TCF20: variants seen among roughly 807,000 people sequenced by gnomAD.
The protein encoded by TCF20 is SPRE-binding protein.
A neutral mutation model predicts 148.6 loss-of-function variants in TCF20; 3 were observed. That is an observed-to-expected ratio of 0.02 (90% CI 0.01 to 0.05). TCF20 has a LOEUF of 0.05. TCF20 is among the 10% of genes least tolerant of loss of function. The pLI, the probability that TCF20 is intolerant of heterozygous loss-of-function variation, is 1.00. For synonymous variants in TCF20, 1,049 were observed against 909.5 expected (o/e 1.15, Z -2.76); for missense variants, 2,350 against 2,429.3 (o/e 0.97, Z 0.69).
chr22:42,248,056 G>C (rs1925064650), intron 1 of TCF20, among the ~76,000 whole-genome samples: 1 of 152,172 alleles, frequency 6.6e-6, no homozygotes, highest in African/African-American at 2.4e-5. Context: ...GACAGGGATG[G>C]AGTAGGCAAA....
At chr22:42,300,225 GGCTTTGGGGCCTCT>G (rs1927312573) in intron 1 of TCF20, among the ~76,000 whole-genome samples, 2 of 152,228 alleles carry the variant, frequency 1.3e-5, no homozygotes, top group Non-Finnish European at 2.9e-5. Flanking sequence ...AGAGCGGCAG[GGCTTTGGGGCCTCT>G]GCTAGGAGGC....
At chr22:42,281,354 T>A (rs1267896330) in intron 1 of TCF20, among the ~76,000 whole-genome samples, 1 of 152,210 alleles carries the variant, frequency 6.6e-6, no homozygotes, top group Non-Finnish European at 1.5e-5. Context: ...TTGCAATGAC[T>A]GCGGTGTCCA....
intron 1 of TCF20, among the ~76,000 whole-genome samples, chr22:42,305,706 C>T (rs1436705109): frequency 6.6e-6 from 1 of 152,168 alleles, no homozygotes; most frequent in Non-Finnish European, 1.5e-5. Context: ...CTGGTCTCCA[C>T]ACCCCTGGCC....
In TCF20 at chr22:42,290,252, C is replaced by A. The variant is rs1333154803; in HGVS notation, c.-37+53227G>T. Among the ~76,000 whole-genome samples the A allele has an allele frequency of 6.6e-6, 1 of 152,066 alleles. No homozygotes were observed. The highest frequency in any genetic ancestry group is 1.5e-5 in the Non-Finnish European group (1 of 67,998). On this transcript the variant is annotated intron_variant, in intron 1 of 1. Transcript: ENST00000515426. The surrounding 1 kb of genome is among the most constrained non-coding windows in gnomAD (Gnocchi z 4.2). ...CTTCTCCCAGTCCTGACCCCCAGTA[C>A]CCTGCCCTAGGATGTGCAGGAGGCT...
intron 1 of TCF20, among the ~76,000 whole-genome samples, chr22:42,252,691 C>T (rs907519157): frequency 6.6e-6 from 1 of 152,112 alleles, no homozygotes; most frequent in African/African-American, 2.4e-5. Flanking sequence ...CCTCATGATC[C>T]GCTGCTCACC....
At chr22:42,205,994 G>C (rs1938359805) in intron 2 of TCF20, among the ~76,000 whole-genome samples, 1 of 152,192 alleles carries the variant, frequency 6.6e-6, no homozygotes, top group South Asian at 2.1e-4. Flanking sequence ...GGCTGGTCTT[G>C]AACTCCTGAC....
intron 1 of TCF20, among the ~76,000 whole-genome samples, chr22:42,226,245 T>C (rs1348518505): frequency 6.6e-6 from 1 of 152,202 alleles, no homozygotes; most frequent in Non-Finnish European, 1.5e-5. Flanking sequence ...CCTGTGGGAT[T>C]TTCTTAAATG....
At chr22:42,233,290 G>A (rs1923596872) in intron 1 of TCF20, among the ~76,000 whole-genome samples, 1 of 152,176 alleles carries the variant, frequency 6.6e-6, no homozygotes. Flanking sequence ...TTCTGCAGAT[G>A]AGGAAACAAA....
upstream of TCF20, among the ~76,000 whole-genome samples, chr22:42,270,672 G>A (rs1388514247): frequency 2.1e-5 from 3 of 141,866 alleles, no homozygotes; most frequent in African/African-American, 2.5e-5. Flanking sequence ...AGGTGACGGC[G>A]CGCGGCCAAT....
At chr22:42,270,208 G>C (rs573179027) in intron 1 of TCF20, among the ~76,000 whole-genome samples, 131 bp downstream of exon 1, 1 of 151,868 alleles carries the variant, frequency 6.6e-6, no homozygotes, top group Non-Finnish European at 1.5e-5. Flanking sequence ...CGGAGTCCAG[G>C]AGGCTCCGCA....
At chr22:42,336,924 A>T (rs750187286) in intron 1 of TCF20, among the ~76,000 whole-genome samples, 2 of 152,192 alleles carry the variant, frequency 1.3e-5, no homozygotes, top group Non-Finnish European at 2.9e-5. Context: ...CACAGCACAG[A>T]ACTGCTTCCC....
intron 5 of TCF20, among the ~76,000 whole-genome samples, chr22:42,167,387 G>A (rs898572756): frequency 1.3e-5 from 2 of 152,204 alleles, no homozygotes; most frequent in African/African-American, 2.4e-5. Flanking sequence ...CACGTCTAGC[G>A]TAGCTGTGTG....
chr22:42,246,014 A>T (rs1163358144), intron 1 of TCF20, among the ~76,000 whole-genome samples: 1 of 152,088 alleles, frequency 6.6e-6, no homozygotes, highest in Non-Finnish European at 1.5e-5. Context: ...CTCATCCCCA[A>T]ACTCTGAAAA....
At chr22:42,184,073 GT>G (rs1315395940) in intron 2 of TCF20, among the ~76,000 whole-genome samples, 1 of 151,916 alleles carries the variant, frequency 6.6e-6, no homozygotes, top group East Asian at 1.9e-4. Flanking sequence ...CTGGCCTTAG[GT>G]TCTTTAATGC....
intron 1 of TCF20, among the ~76,000 whole-genome samples, chr22:42,326,456 C>T (rs1378370715): frequency 6.6e-6 from 1 of 152,192 alleles, no homozygotes; most frequent in Admixed American, 6.5e-5. Flanking sequence ...ATAGCACCGT[C>T]GCCTGCTATG....
intron 4 of TCF20, among the ~76,000 whole-genome samples, chr22:42,169,390 G>C (rs1410735455): frequency 6.6e-6 from 1 of 152,010 alleles, no homozygotes; most frequent in South Asian, 2.1e-4. Context: ...GGCTGCTTCT[G>C]CAGAAGCACA....
At chr22:42,169,754 G>T in intron 4 of TCF20, 93 bp downstream of exon 4, 2 of 1,355,696 alleles carry the variant, frequency 1.5e-6, no homozygotes, top group Non-Finnish European at 1.0e-6. Flanking sequence ...GACAGGTGTG[G>T]GTGAGGCCCA....
At chr22:42,319,681 C>A (rs2147048741) in intron 1 of TCF20, among the ~76,000 whole-genome samples, 1 of 152,316 alleles carries the variant, frequency 6.6e-6, no homozygotes, top group Non-Finnish European at 1.5e-5. Context: ...TCCCCATTTC[C>A]CAGATGGAGG....
chr22:42,324,865 G>C (rs1032123735), intron 1 of TCF20, among the ~76,000 whole-genome samples: 1 of 152,222 alleles, frequency 6.6e-6, no homozygotes, highest in Admixed American at 6.5e-5. Flanking sequence ...TGAGGACCCA[G>C]AGGCCCTGAG....
Sources: gnomAD v4.1 joint callset for allele counts (sites outside exome capture counted in the v4.1 genomes callset) on GRCh38, gnomAD v4.1.1 for gene constraint, Gnocchi (gnomAD v3.1) non-coding constraint, MANE v1.5 for transcripts, NCBI Gene and HGNC (gene_info 2026-07-23, HGNC 2026-07-21) for gene names.